LRRC18: variants seen among roughly 807,000 people sequenced by gnomAD.
LRRC18 encodes the protein leucine-rich repeat-containing protein 18.
Under a neutral mutation model 11.2 loss-of-function variants are expected in LRRC18, and 12 were observed. That is an observed-to-expected ratio of 1.07 (90% confidence interval 0.69 to 1.74). The LOEUF (loss-of-function observed/expected upper bound fraction) is 1.74, where lower values mean the gene tolerates loss of function less well. Among genes scored for constraint, LRRC18 ranks in the 40% most tolerant of loss-of-function variants. The probability of loss-of-function intolerance (pLI) is 0.00; values close to 1 mark genes in which losing one functional copy is unlikely to be tolerated. For synonymous variants in LRRC18, 155 were observed against 130.6 expected, an observed-to-expected ratio of 1.19 and a Z score of -1.27; for missense variants, 374 against 330.5, an observed-to-expected ratio of 1.13 and a Z score of -1.02.
At chr10:48,932,734 G>T in the LRRC18 span, 1 of 152,114 alleles carries the variant, frequency 6.6e-6, no homozygotes, top group Non-Finnish European at 1.5e-5. Context: ...AATAGCTGAT[G>T]ATGTGACAGA....
At chr10:48,909,988 AT>A in exon 2 of LRRC18, 2 of 526,152 alleles carry the variant, frequency 3.8e-6, no homozygotes, top group Non-Finnish European at 6.8e-6. Context: ...ATTTTCTTAA[AT>A]TTTTTTCTAT....
the LRRC18 span, among the ~76,000 whole-genome samples, chr10:48,929,824 A>C: frequency 2.0e-5 from 3 of 152,118 alleles, no homozygotes; most frequent in Non-Finnish European, 1.5e-5. Flanking sequence ...CCTCCTGTGG[A>C]TACTCAGGGC....
chr10:48,937,503 T>A, the LRRC18 span, among the ~76,000 whole-genome samples: 1 of 152,130 alleles, frequency 6.6e-6, no homozygotes, highest in Non-Finnish European at 1.5e-5. Context: ...GAATTTCACC[T>A]CCCTGGCCTG....
At chr10:48,928,352 A>ATGTGTGTGTG in the LRRC18 span, among the ~76,000 whole-genome samples, 72 of 59,716 alleles carry the variant, frequency 1.2e-3, 1 homozygote, top group African/African-American at 3.1e-3. Context: ...TTTGGTTTTG[A>ATGTGTGTGTG]CGTGTGTGTG....
At chr10:48,936,236 A>G in the LRRC18 span, among the ~76,000 whole-genome samples, 1 of 152,130 alleles carries the variant, frequency 6.6e-6, no homozygotes, top group South Asian at 2.1e-4. Flanking sequence ...AGCTAACTAT[A>G]ACATTTTTTA....
chr10:48,923,082 A>C, the LRRC18 span, among the ~76,000 whole-genome samples: 2 of 152,038 alleles, frequency 1.3e-5, no homozygotes, highest in African/African-American at 4.8e-5. Flanking sequence ...AATAGTTGGG[A>C]CTCCATATTC....
At chr10:48,916,383 T>C (rs577571412), upstream of LRRC18, among the ~76,000 whole-genome samples, 16 of 152,204 alleles carry the variant, frequency 1.1e-4, no homozygotes, top group Non-Finnish European at 2.4e-4. Context: ...TGTTTGTTTG[T>C]TTGTTTGCTT....
In LRRC18 at chr10:48,910,899, C is replaced by T. The variant is rs554334175; in HGVS notation, c.765-641G>A. ...GGGCACCAGGTGGGCTCTGTAACCT[C>T]GATGTTTCTCTTAACTTCTCTCCTT... is the stretch of plus-strand genomic sequence containing the variant. On this transcript the variant is annotated intron_variant, in intron 1 of 1. Coordinates refer to ENST00000374160, the Ensembl canonical transcript of LRRC18. 1.3e-4 allele frequency: 126 copies of T among 985,052 alleles called. 1 individual carries two copies. The South Asian group carries it at 2.0e-3, about 15-fold the overall frequency. 61.0% of individuals were successfully genotyped at this position (985,052 alleles called of 1,614,324 possible).
chr10:48,925,296 G>A, the LRRC18 span, among the ~76,000 whole-genome samples: 1 of 152,190 alleles, frequency 6.6e-6, no homozygotes, highest in South Asian at 2.1e-4. Context: ...CTAAAGAGAG[G>A]CGGGGCTGTA....
At chr10:48,913,586 G>C in exon 1 of LRRC18, 1 of 1,614,140 alleles carries the variant, frequency 6.2e-7, no homozygotes, top group Non-Finnish European at 8.5e-7. Context: ...TCCTGATGGA[G>C]TCTATGAATA....
At chr10:48,926,120 C>T in the LRRC18 span, among the ~76,000 whole-genome samples, 1 of 152,230 alleles carries the variant, frequency 6.6e-6, no homozygotes, top group Non-Finnish European at 1.5e-5. Context: ...TGGCAAATGC[C>T]TCATCCTGGG....
At chr10:48,916,567 C>G (rs1194575666), upstream of LRRC18, among the ~76,000 whole-genome samples, 9 of 152,186 alleles carry the variant, frequency 5.9e-5, no homozygotes, top group African/African-American at 1.9e-4. Flanking sequence ...GAGGCAGAAA[C>G]AGTTGCAAGA....
the LRRC18 span, among the ~76,000 whole-genome samples, chr10:48,920,243 C>T: frequency 2.6e-5 from 4 of 152,160 alleles, no homozygotes; most frequent in East Asian, 1.9e-4. Context: ...GGCTAAAGGA[C>T]GTCCACAAAA....
At chr10:48,914,838 A>G (rs868002720), upstream of LRRC18, among the ~76,000 whole-genome samples, 1 of 152,220 alleles carries the variant, frequency 6.6e-6, no homozygotes, top group Non-Finnish European at 1.5e-5. Context: ...TGGGCCCAGC[A>G]GCACCATAAC....
chr10:48,931,529 A>G, the LRRC18 span, among the ~76,000 whole-genome samples: 4 of 152,174 alleles, frequency 2.6e-5, no homozygotes, highest in Non-Finnish European at 5.9e-5. Flanking sequence ...TATGGGGAGG[A>G]TATGTCAAGC....
the LRRC18 span, among the ~76,000 whole-genome samples, chr10:48,921,167 A>AT: frequency 6.6e-6 from 1 of 152,208 alleles, no homozygotes; most frequent in Non-Finnish European, 1.5e-5. Context: ...ATGGAAAATA[A>AT]TTTTGAAAAA....
At chr10:48,932,803 G>T in the LRRC18 span, among the ~76,000 whole-genome samples, 1 of 152,186 alleles carries the variant, frequency 6.6e-6, no homozygotes, top group African/African-American at 2.4e-5. Flanking sequence ...GACTGAGGTG[G>T]GTGGGGAGGT....
chr10:48,922,237 C>A, the LRRC18 span, among the ~76,000 whole-genome samples: 4 of 152,296 alleles, frequency 2.6e-5, no homozygotes, highest in East Asian at 7.7e-4. Flanking sequence ...GAGGAAATCT[C>A]AGGCCATCCT....
the LRRC18 span, among the ~76,000 whole-genome samples, chr10:48,922,564 C>T: frequency 1.5e-4 from 23 of 152,262 alleles, no homozygotes; most frequent in South Asian, 4.2e-4. Context: ...TCATCTCTTA[C>T]GGTGCCTAAC....
Sources: gnomAD v4.1 joint callset for allele counts (sites outside exome capture counted in the v4.1 genomes callset) on GRCh38, gnomAD v4.1.1 for gene constraint, MANE v1.5 for transcripts, NCBI Gene and HGNC (gene_info 2026-07-23, HGNC 2026-07-21) for gene names.